Variants in RAPH1 observed in about 807,000 individuals in gnomAD.
RAPH1 encodes ras-associated and pleckstrin homology domains-containing protein 1.
In RAPH1, 18 loss-of-function variants were observed where a neutral mutation model predicts 88.1. The observed-to-expected ratio is 0.20, with a 90% CI of 0.14 to 0.30. The LOEUF (loss-of-function observed/expected upper bound fraction) is 0.30, where lower values mean the gene tolerates loss of function less well. RAPH1 is among the 10% of genes least tolerant of loss of function. The pLI is 1.00. For missense variants in RAPH1, 1,448 were observed against 1,543.2 expected, an observed-to-expected ratio of 0.94 and a Z score of 1.03; for synonymous variants, 587 against 559.0, an observed-to-expected ratio of 1.05 and a Z score of -0.71.
chr2:203,522,895 C>CAAAAAAAAAAA (rs59862473), intron 1 of RAPH1, among the ~76,000 whole-genome samples: 27 of 85,722 alleles, frequency 3.1e-4, no homozygotes, highest in Non-Finnish European at 4.5e-4. Flanking sequence ...GACTCTGTCT[C>CAAAAAAAAAAA]AAAAAAAAAA....
At chr2:203,467,583 AG>A (rs969301907) in intron 4 of RAPH1, among the ~76,000 whole-genome samples, 1 of 152,044 alleles carries the variant, frequency 6.6e-6, no homozygotes, top group African/African-American at 2.4e-5. Flanking sequence ...TGGGTGACAC[AG>A]CAAGACTCTG....
At chr2:203,523,800 AC>A (rs1689997821) in intron 1 of RAPH1, among the ~76,000 whole-genome samples, 1 of 152,106 alleles carries the variant, frequency 6.6e-6, no homozygotes, top group Non-Finnish European at 1.5e-5. Context: ...AGGTCAGGAG[AC>A]CGAGACCATC....
chr2:203,445,069 A>T (rs764460572), intron 12 of RAPH1, 59 bp from the exon 13 acceptor site: 13 of 1,482,654 alleles, frequency 8.8e-6, no homozygotes, highest in Non-Finnish European at 1.2e-5. Flanking sequence ...GACAATATTC[A>T]TATGTATGTC....
chr2:203,507,743 T>C (rs1465523448), intron 1 of RAPH1, among the ~76,000 whole-genome samples: 1 of 152,202 alleles, frequency 6.6e-6, no homozygotes, highest in Non-Finnish European at 1.5e-5. Context: ...AATACAATGC[T>C]TGAACCTGGA....
At chr2:203,456,080 T>G (rs1174442964) in intron 8 of RAPH1, among the ~76,000 whole-genome samples, 1 of 152,136 alleles carries the variant, frequency 6.6e-6, no homozygotes, top group Admixed American at 6.5e-5. Context: ...ACAATATGAA[T>G]TTGGAACTAC....
rs747724669 is a variant in RAPH1, at chr2:203,440,713, G to C, written c.2477C>G (p.Pro826Arg). The C allele has an allele frequency of 1.2e-6, 2 of 1,604,748 alleles. No individual in the cohort carries two copies. Among genetic ancestry groups the C allele is most frequent in the East Asian group, 2.2e-5 (1 of 44,812 alleles). ...TGGAACAGGAGGGGTAGGGGGAGAG[G>C]GTGGAATGTAAGAAGCAGGGAAAGC... ...QPAFPASYIPPSPPTPPVPVP... is the reference protein window; with the variant it reads ...QPAFPASYIPRSPPTPPVPVP... Residue 826 changes from proline to arginine, a missense_variant, in exon 14 of 14, where the codon CCC becomes CGC. By Grantham distance (103) the Pro-to-Arg change is moderately radical. This residue lies in a region of RAPH1 where 935 missense variants were observed against 890.1 expected (regional missense o/e 1.05). Transcript: ENST00000319170.
At position 203,433,751 on chromosome 2, in the gene RAPH1, C is replaced by CTGACA. The variant is rs1404168482; in HGVS notation, c.*5681_*5685dup. The stretch of plus-strand genomic sequence containing the variant: ...GTGTATGGCCTATGTTTTGGGTACC[C>CTGACA]TGACATGAAATGCAAAACCAGATTC... On this transcript the variant is annotated 3_prime_UTR_variant, in exon 14 of 14. Transcript: ENST00000319170. 5 of 152,224 alleles carry CTGACA rather than the reference C, an allele frequency of 3.3e-5. No individual in the cohort carries two copies. Among genetic ancestry groups the CTGACA allele is most frequent in the African/African-American group, 1.2e-4 (5 of 41,380 alleles). 9.4% of individuals were successfully genotyped at this position (152,224 alleles called of 1,614,324 possible).
chr2:203,488,740 T>C (rs944349021), intron 4 of RAPH1, among the ~76,000 whole-genome samples: 1 of 151,936 alleles, frequency 6.6e-6, no homozygotes, highest in Non-Finnish European at 1.5e-5. Context: ...TAAGGTCCCA[T>C]GGGTAGTGAG....
At chr2:203,506,865 T>TATATATATATATAG (rs1689092903) in intron 1 of RAPH1, among the ~76,000 whole-genome samples, 1 of 90,156 alleles carries the variant, frequency 1.1e-5, no homozygotes, top group Non-Finnish European at 2.1e-5. Flanking sequence ...TCTATATATA[T>TATATATATATATAG]ATATATATAT....
At chr2:203,493,914 T>C (rs1309999226) in intron 2 of RAPH1, among the ~76,000 whole-genome samples, 1 of 131,756 alleles carries the variant, frequency 7.6e-6, no homozygotes, top group African/African-American at 3.0e-5. Context: ...GTGGTTGCAC[T>C]GAGCTGAGAT....
intron 4 of RAPH1, among the ~76,000 whole-genome samples, chr2:203,473,617 G>A (rs2098535025): frequency 6.6e-6 from 1 of 152,010 alleles, no homozygotes; most frequent in Non-Finnish European, 1.5e-5. Flanking sequence ...CTGCTATGGA[G>A]ATCTTACTGT....
At chr2:203,532,110 G>A (rs1429035843) in intron 1 of RAPH1, among the ~76,000 whole-genome samples, 1 of 152,184 alleles carries the variant, frequency 6.6e-6, no homozygotes, top group Non-Finnish European at 1.5e-5. Context: ...AGTAACATAA[G>A]CCAGACACAA....
intron 12 of RAPH1, chr2:203,447,186 T>TC (rs2098510666): frequency 6.7e-6 from 1 of 149,786 alleles, no homozygotes; most frequent in Non-Finnish European, 1.5e-5. Context: ...TCTTTCTTTT[T>TC]TTTTTTTTTT....
chr2:203,495,601 C>T (rs1688477161), intron 1 of RAPH1, among the ~76,000 whole-genome samples: 1 of 151,896 alleles, frequency 6.6e-6, no homozygotes, highest in Non-Finnish European at 1.5e-5. Context: ...AAATTATGAC[C>T]AGAATCGCAT....
intron 4 of RAPH1, among the ~76,000 whole-genome samples, chr2:203,485,410 CAA>C (rs71007521): frequency 0.095 from 8,918 of 93,510 alleles, 406 homozygotes; most frequent in African/African-American, 0.21. Flanking sequence ...GACTCTGTCT[CAA>C]AAAAAAAAAA....
intron 1 of RAPH1, among the ~76,000 whole-genome samples, chr2:203,510,611 T>C (rs1172942356): frequency 6.6e-6 from 1 of 151,744 alleles, no homozygotes; most frequent in Non-Finnish European, 1.5e-5. Context: ...CCTGCAGGGG[T>C]CAGGCAGCCA....
chr2:203,522,816 C>T (rs866616257), intron 1 of RAPH1, among the ~76,000 whole-genome samples: 21 of 143,124 alleles, frequency 1.5e-4, no homozygotes, highest in Non-Finnish European at 2.1e-4. Flanking sequence ...GTGGGAGAAT[C>T]GCTTGAACCT....
chr2:203,472,653 A>C (rs2098534195), intron 4 of RAPH1, among the ~76,000 whole-genome samples: 1 of 152,216 alleles, frequency 6.6e-6, no homozygotes, highest in African/African-American at 2.4e-5. Context: ...TTTTAGAAAA[A>C]TTATCTCCAA....
chr2:203,461,768 A>G, intron 5 of RAPH1, 80 bp downstream of exon 5: 2 of 993,380 alleles, frequency 2.0e-6, no homozygotes, highest in Non-Finnish European at 3.0e-6. Flanking sequence ...TTAGAAGTAC[A>G]TTACATAAAC....
Sources: allele counts gnomAD v4.1 joint callset (sites outside exome capture counted in the v4.1 genomes callset), GRCh38; gene constraint gnomAD v4.1.1; regional missense constraint gnomAD v4.1.1; transcripts MANE v1.5; gene names NCBI Gene and HGNC (gene_info 2026-07-23, HGNC 2026-07-21).